Variants in LMBRD2 observed in about 807,000 individuals in gnomAD.
The protein encoded by LMBRD2 is LMBR1 domain containing 2.
A neutral mutation model predicts 94.4 loss-of-function variants in LMBRD2; 55 were observed. The ratio of observed to expected loss-of-function variants is 0.58; its 90% confidence interval spans 0.47 to 0.73. The LOEUF is 0.73. LMBRD2 is among the 30% of genes least tolerant of loss of function. LMBRD2 has a pLI of 0.00. For missense variants in LMBRD2, 640 were observed against 831.9 expected (o/e 0.77, Z 2.84); for synonymous variants, 246 against 272.4 (o/e 0.90, Z 0.95).
intron 6 of LMBRD2, among the ~76,000 whole-genome samples, chr5:36,128,334 T>C (rs180686365): frequency 3.7e-4 from 57 of 152,298 alleles, no homozygotes; most frequent in African/African-American, 1.3e-3. Context: ...GCAAAGACTA[T>C]AAAGAATACC....
chr5:36,108,653 A>C lies in LMBRD2; in HGVS notation c.1792-14T>G. ...TTCTTTCCATTCCTAGAAAAGAAGC[A>C]CAAATAATCATATAATAGAACAGAA... On this transcript the variant is annotated splice_polypyrimidine_tract_variant and intron_variant, in intron 15 of 17. Coordinates refer to ENST00000296603, the MANE Select transcript of LMBRD2 (RefSeq NM_001007527.2). 2 of 1,250,496 alleles carry C rather than the reference A, an allele frequency of 1.6e-6. No homozygotes were observed. Among genetic ancestry groups the C allele is most frequent in the Non-Finnish European group, 2.3e-6 (2 of 880,808 alleles). The allele number at this position is 1,250,496 out of a possible 1,614,324, so 77.5% of individuals were successfully genotyped here.
chr5:36,112,591 C>CT (rs1285901641), intron 13 of LMBRD2, among the ~76,000 whole-genome samples: 6 of 151,868 alleles, frequency 4.0e-5, no homozygotes, highest in Admixed American at 1.3e-4. Context: ...GGAATACAAC[C>CT]TTTTTTTTCC....
At position 36,114,481 on chromosome 5, in the gene LMBRD2, C is replaced by A; in HGVS notation, c.1583G>T (p.Gly528Val). The A allele has an allele frequency of 6.4e-7, 1 of 1,566,392 alleles. No homozygotes were observed. The highest frequency in any genetic ancestry group is 8.6e-7 in the Non-Finnish European group (1 of 1,162,118). ...CAACATAGGATAATATATATAGAATCCATCTGCAATAAAGGATAAAACTTT... is the reference window on the plus strand; with the variant it reads ...CAACATAGGATAATATATATAGAATACATCTGCAATAAAGGATAAAACTTT... ...SMKVLSFIADGFYIYYPMLVV... is the reference protein window; with the variant it reads ...SMKVLSFIADVFYIYYPMLVV... The change falls in exon 13 of 18, where the codon GGA becomes GTA. Residue 528 changes from glycine (G) to valine (V), a missense_variant. By Grantham distance (109) the Gly-to-Val change is moderately radical (BLOSUM62 -3). Transcript: ENST00000296603.
intron 6 of LMBRD2, among the ~76,000 whole-genome samples, chr5:36,132,336 TAACTC>T (rs1354337958): frequency 6.6e-6 from 1 of 152,032 alleles, no homozygotes; most frequent in African/African-American, 2.4e-5. Flanking sequence ...TTAAATCTAA[TAACTC>T]AAATTATGAA....
chr5:36,139,952 G>A (rs999676049), intron 4 of LMBRD2, among the ~76,000 whole-genome samples: 27 of 152,368 alleles, frequency 1.8e-4, no homozygotes, highest in African/African-American at 6.3e-4. Context: ...AACTGAAGGA[G>A]CTGAAACACA....
At chr5:36,108,364 T>C (rs1035155370) in intron 16 of LMBRD2, among the ~76,000 whole-genome samples, 170 bp downstream of exon 16, 2 of 152,114 alleles carry the variant, frequency 1.3e-5, no homozygotes, top group Non-Finnish European at 2.9e-5. Flanking sequence ...TATTTGAGCT[T>C]CCCCATCCTT....
intron 9 of LMBRD2, among the ~76,000 whole-genome samples, chr5:36,118,970 G>T (rs1743824935): frequency 6.6e-6 from 1 of 152,054 alleles, no homozygotes; most frequent in African/African-American, 2.4e-5. Flanking sequence ...TGGGGTTACA[G>T]GTGTGAGGCA....
chr5:36,134,481 T>A (rs749548861), intron 6 of LMBRD2, among the ~76,000 whole-genome samples: 1 of 152,128 alleles, frequency 6.6e-6, no homozygotes, highest in Non-Finnish European at 1.5e-5. Context: ...GCAGATTTAA[T>A]TAGCTAAGTT....
chr5:36,110,646 T>G (rs976958443), intron 14 of LMBRD2, among the ~76,000 whole-genome samples: 4 of 152,020 alleles, frequency 2.6e-5, no homozygotes, highest in African/African-American at 9.7e-5. Context: ...AAGTCAAGTT[T>G]TTTTCCCTCC....
chr5:36,110,115 T>C lies in LMBRD2; in HGVS notation c.1745-124A>G, dbSNP rs1295915057. 1.3e-5 allele frequency: 9 copies of C among 715,418 alleles called. No homozygotes were observed. The East Asian group carries it at 1.3e-4, about 11-fold the overall frequency. 44.3% of individuals were successfully genotyped at this position (715,418 alleles called of 1,614,324 possible). Reference sequence around the variant, plus strand: ...TAAATTATCACAAAATCAAATGTTATAGGTTATTGCTGGAAGGAATTTGAG... The same window carrying C: ...TAAATTATCACAAAATCAAATGTTACAGGTTATTGCTGGAAGGAATTTGAG... On this transcript the variant is annotated intron_variant, in intron 14 of 17. Coordinates refer to ENST00000296603, the MANE Select transcript of LMBRD2 (RefSeq NM_001007527.2).
chr5:36,124,142 T>G (rs1398655043), intron 7 of LMBRD2, 49 bp downstream of exon 7: 2 of 1,068,620 alleles, frequency 1.9e-6, no homozygotes, highest in Non-Finnish European at 2.8e-6. Context: ...TGGTATAATA[T>G]TATATAAGTG....
chr5:36,130,040 G>C (rs1744096439), intron 6 of LMBRD2, among the ~76,000 whole-genome samples: 1 of 152,106 alleles, frequency 6.6e-6, no homozygotes, highest in African/African-American at 2.4e-5. Flanking sequence ...TCTGTTGTAG[G>C]GTGGCGGGAG....
At position 36,111,264 on chromosome 5, in the gene LMBRD2, A is replaced by C; in HGVS notation, c.1641-6T>G. On this transcript the variant is annotated splice_polypyrimidine_tract_variant and splice_region_variant and intron_variant, in intron 13 of 17. Transcript: ENST00000296603. ...TCAAACAACGGGTTCCCAAACTAAT[A>C]AAAGCAGATTTTTTAAAAAGACAAA... 1 of 1,587,196 alleles carries C rather than the reference A, an allele frequency of 6.3e-7. No homozygotes were observed. Among genetic ancestry groups the C allele is most frequent in the Non-Finnish European group, 8.6e-7 (1 of 1,157,968 alleles).
rs1359916078 is a variant in LMBRD2, at chr5:36,099,797, G to A, written c.*4249C>T. ...TAAATGTCTTTTAGGATATTGATGAGAAGAGGAACATGCCAATATCCTTGC... is the reference window on the plus strand; with the variant it reads ...TAAATGTCTTTTAGGATATTGATGAAAAGAGGAACATGCCAATATCCTTGC... On this transcript the variant is annotated 3_prime_UTR_variant, in exon 18 of 18. Coordinates refer to ENST00000296603, the MANE Select transcript of LMBRD2 (RefSeq NM_001007527.2). 1 of 152,092 alleles carries A rather than the reference G, an allele frequency of 6.6e-6. No homozygotes were observed. The highest frequency in any genetic ancestry group is 1.5e-5 in the Non-Finnish European group (1 of 68,020). 9.4% of individuals were successfully genotyped at this position (152,092 alleles called of 1,614,324 possible). A position where few individuals can be genotyped will look rare whatever the true frequency, so the allele number is the denominator to read the frequency against.
intron 16 of LMBRD2, 74 bp from the exon 17 acceptor site, chr5:36,105,271 A>C: frequency 7.3e-7 from 1 of 1,362,026 alleles, no homozygotes; most frequent in Non-Finnish European, 1.0e-6. Context: ...ATGGAGGTAC[A>C]GAAAGAAAAA....
intron 13 of LMBRD2, among the ~76,000 whole-genome samples, chr5:36,113,226 G>GA (rs1743656191): frequency 1.3e-5 from 2 of 152,098 alleles, no homozygotes; most frequent in Non-Finnish European, 2.9e-5. Context: ...AAAGCATCGT[G>GA]AAAATCCCTG....
Position 36,099,642 on chromosome 5 carries a change from T to C in LMBRD2, c.*4404A>G, listed in dbSNP as rs1195992557. 1 of 152,132 alleles carries C rather than the reference T, an allele frequency of 6.6e-6. No homozygotes were observed. The highest frequency in any genetic ancestry group is 1.5e-5 in the Non-Finnish European group (1 of 68,012). The allele number at this position is 152,132 out of a possible 1,614,324, so 9.4% of individuals were successfully genotyped here. On this transcript the variant is annotated 3_prime_UTR_variant, in exon 18 of 18. Coordinates refer to ENST00000296603, the MANE Select transcript of LMBRD2 (RefSeq NM_001007527.2). ...CCCTACATATGTCTGCAATAGTAAATCATTCTTTCTACTCTTTTGAACTAA... is the reference window on the plus strand; with the variant it reads ...CCCTACATATGTCTGCAATAGTAAACCATTCTTTCTACTCTTTTGAACTAA...
At chr5:36,133,002 T>TAAAAAAAAAA (rs34516747) in intron 6 of LMBRD2, among the ~76,000 whole-genome samples, 1 of 132,674 alleles carries the variant, frequency 7.5e-6, no homozygotes. Flanking sequence ...TCAAAAAAAT[T>TAAAAAAAAAA]AAAAAAAAAA....
In LMBRD2 at chr5:36,115,105, C is replaced by A; in HGVS notation, c.1452G>T (p.Leu484Phe). 1 of 1,606,028 alleles carries A rather than the reference C, an allele frequency of 6.2e-7. No individual in the cohort carries two copies. The highest frequency in any genetic ancestry group is 1.1e-5 in the South Asian group (1 of 89,886). ...LLFSGMLFCR[L>F]TPPLCLNFLG... The stretch of plus-strand genomic sequence containing the variant: ...AGAAATTAAGACATAAAGGAGGTGT[C>A]AAACGGCAAAATAGCCTGCAACAAA... Residue 484 changes from leucine to phenylalanine, a missense_variant, in exon 12 of 18, where the codon TTG (leucine) becomes TTT (phenylalanine). By Grantham distance (22) the Leu-to-Phe change is conservative. Coordinates refer to ENST00000296603, the MANE Select transcript of LMBRD2 (RefSeq NM_001007527.2).
Sources: allele counts gnomAD v4.1 joint callset (sites outside exome capture counted in the v4.1 genomes callset), GRCh38; gene constraint gnomAD v4.1.1; transcripts MANE v1.5; gene names NCBI Gene and HGNC (gene_info 2026-07-23, HGNC 2026-07-21).